Variants in CLSTN1 observed in about 807,000 individuals in gnomAD.
CLSTN1 encodes the protein calsyntenin 1.
Under a neutral mutation model 108.3 loss-of-function variants are expected in CLSTN1, and 28 were observed. The observed-to-expected ratio is 0.26, with a 90% CI of 0.19 to 0.35. CLSTN1 has a LOEUF of 0.35. Among genes scored for constraint, CLSTN1 ranks in the 10% least tolerant of loss-of-function variants. The probability of loss-of-function intolerance (pLI) is 1.00; values close to 1 mark genes in which losing one functional copy is unlikely to be tolerated. For missense variants in CLSTN1, 1,157 were observed against 1,302.6 expected, an observed-to-expected ratio of 0.89 and a Z score of 1.72; for synonymous variants, 524 against 534.9, an observed-to-expected ratio of 0.98 and a Z score of 0.28.
chr1:9,792,807 C>A (rs1489453701), intron 1 of CLSTN1, among the ~76,000 whole-genome samples: 2 of 151,204 alleles, frequency 1.3e-5, no homozygotes, highest in Non-Finnish European at 2.9e-5. Context: ...CAAGTTTCTG[C>A]TAGTGTTTCT....
intron 1 of CLSTN1, among the ~76,000 whole-genome samples, chr1:9,818,775 CTCTT>C (rs1181692949): frequency 5.0e-5 from 7 of 138,872 alleles, no homozygotes; most frequent in East Asian, 2.1e-4. Context: ...CTTCAAGCAA[CTCTT>C]TTTTTTTTTT....
At chr1:9,781,851 G>T (rs149458596) in intron 1 of CLSTN1, among the ~76,000 whole-genome samples, 1 of 152,164 alleles carries the variant, frequency 6.6e-6, no homozygotes, top group East Asian at 1.9e-4. Context: ...TCTATCAGAT[G>T]TGCACATCTG....
chr1:9,811,196 G>A (rs956399193), intron 1 of CLSTN1, among the ~76,000 whole-genome samples: 2 of 152,148 alleles, frequency 1.3e-5, no homozygotes, highest in Non-Finnish European at 2.9e-5. Context: ...TCAGCAGAAG[G>A]GAGGGGAAAG....
At position 9,734,798 on chromosome 1, in the gene CLSTN1, G is replaced by A; in HGVS notation, c.2110+150C>T. On this transcript the variant is annotated intron_variant, in intron 14 of 18. Transcript: ENST00000377298. This position sits in a 1 kb window ranked among gnomAD's most constrained non-coding sequence, Gnocchi z 4.8. ...AGATCACCATGAGCTCCAGCTCACGGGTCAGATTCCAGAAGCACACCCGAG... is the reference window on the plus strand; with the variant it reads ...AGATCACCATGAGCTCCAGCTCACGAGTCAGATTCCAGAAGCACACCCGAG... 2 of 652,866 alleles carry A rather than the reference G, an allele frequency of 3.1e-6. No homozygotes were observed. Among genetic ancestry groups the A allele is most frequent in the South Asian group, 1.9e-5 (1 of 52,290 alleles). The allele number at this position is 652,866 out of a possible 1,614,324, so 40.4% of individuals were successfully genotyped here.
At position 9,750,013 on chromosome 1, in the gene CLSTN1, T is replaced by C. The variant is rs1570450406; in HGVS notation, c.650-100A>G. ...CAAAATGCATAGGCTTTAAGCCCTG[T>C]AAATACTCAGCCAGAAATAAACATA... On this transcript the variant is annotated intron_variant, in intron 5 of 18. Transcript: ENST00000377298. 12 of 945,466 alleles carry C rather than the reference T, an allele frequency of 1.3e-5. No individual in the cohort carries two copies. The East Asian group carries it at 3.0e-4, about 23-fold the overall frequency. 58.6% of individuals were successfully genotyped at this position (945,466 alleles called of 1,614,324 possible).
At chr1:9,793,886 T>C (rs1342033900) in intron 1 of CLSTN1, among the ~76,000 whole-genome samples, 1 of 151,514 alleles carries the variant, frequency 6.6e-6, no homozygotes, top group Non-Finnish European at 1.5e-5. Context: ...TTTCTGTCCA[T>C]GCTGCTACCA....
In CLSTN1 at chr1:9,730,550, C is replaced by T; in HGVS notation, c.2904G>A (p.Arg968=). 1 of 1,607,618 alleles carries T rather than the reference C, an allele frequency of 6.2e-7. No homozygotes were observed. ...GEQGDPQNAT[R]QQQLEWDDST... ...AGTCATCCCACTCCAGCTGCTGCTG[C>T]CGGGTTGCGTTCTGGGGGTCGCCCT... Residue 968 remains arginine, a synonymous_variant, in exon 19 of 19, where the codon CGG becomes CGA. Coordinates refer to ENST00000377298, the MANE Select transcript of CLSTN1 (RefSeq NM_001009566.3). The surrounding 1 kb of genome is among the most constrained non-coding windows in gnomAD (Gnocchi z 5.6).
intron 2 of CLSTN1, among the ~76,000 whole-genome samples, chr1:9,759,327 G>A (rs1422334073): frequency 6.6e-6 from 1 of 152,104 alleles, no homozygotes; most frequent in African/African-American, 2.4e-5. Context: ...CCAGGCTGGA[G>A]TGCAGTGGCA....
At position 9,748,400 on chromosome 1, in the gene CLSTN1, A is replaced by G. The variant is rs77995207; in HGVS notation, c.985+1061T>C. ...TCCACACAATATTGTGATATAGAAA[A>G]TCTATTGAGATTCTAAGTTAGATGT... is the stretch of plus-strand genomic sequence containing the variant. On this transcript the variant is annotated intron_variant, in intron 7 of 18. Transcript: ENST00000377298. Among the ~76,000 whole-genome samples the G allele has an allele frequency of 4.4e-3, 663 of 152,304 alleles. 12 individuals are homozygous for G. The highest frequency in any genetic ancestry group is 0.043 in the East Asian group (223 of 5,190).
Position 9,743,479 on chromosome 1 carries a change from C to T in CLSTN1, c.1356+405G>A, listed in dbSNP as rs371238089. Among the ~76,000 whole-genome samples, 4 of 152,144 alleles carry T rather than the reference C, an allele frequency of 2.6e-5. No individual in the cohort carries two copies. The East Asian group carries it at 7.7e-4, about 29-fold the overall frequency. ...AGCTACTCATAAAATTATAAATATA[C>T]ACTGACTATACACAGCCATCCATGT... On this transcript the variant is annotated intron_variant, in intron 9 of 18. Coordinates refer to ENST00000377298, the MANE Select transcript of CLSTN1 (RefSeq NM_001009566.3).
chr1:9,753,877 A>G (rs1570454873), intron 4 of CLSTN1, among the ~76,000 whole-genome samples: 1 of 152,010 alleles, frequency 6.6e-6, no homozygotes, highest in African/African-American at 2.4e-5. Flanking sequence ...CAGTGGCACA[A>G]TCATGGCTCA....
chr1:9,742,129 C>T (rs1025145053), intron 9 of CLSTN1, among the ~76,000 whole-genome samples: 1 of 152,288 alleles, frequency 6.6e-6, no homozygotes, highest in South Asian at 2.1e-4. Flanking sequence ...GTAACTCAAA[C>T]AAATTGTAAA....
intron 1 of CLSTN1, among the ~76,000 whole-genome samples, chr1:9,808,367 C>T (rs1253882698): frequency 6.6e-6 from 1 of 152,164 alleles, no homozygotes; most frequent in Non-Finnish European, 1.5e-5. Flanking sequence ...AATTTACTGC[C>T]AATCTACCCA....
At chr1:9,760,587 G>A (rs1185728359) in intron 2 of CLSTN1, among the ~76,000 whole-genome samples, 1 of 151,990 alleles carries the variant, frequency 6.6e-6, no homozygotes, top group Non-Finnish European at 1.5e-5. Context: ...GGATTTTTAG[G>A]GGAATAGATG....
intron 1 of CLSTN1, among the ~76,000 whole-genome samples, chr1:9,820,664 T>A (rs1012958095): frequency 4.6e-5 from 7 of 152,144 alleles, no homozygotes; most frequent in African/African-American, 1.7e-4. Flanking sequence ...CATCCACCCA[T>A]TCATTCATTC....
At chr1:9,770,611 T>C (rs565446940) in intron 2 of CLSTN1, among the ~76,000 whole-genome samples, 1 of 152,346 alleles carries the variant, frequency 6.6e-6, no homozygotes, top group East Asian at 1.9e-4. Flanking sequence ...GTATTTATTA[T>C]CTTATGGTTA....
chr1:9,805,866 CAAAAAAA>C (rs56899514), intron 1 of CLSTN1, among the ~76,000 whole-genome samples: 1 of 74,868 alleles, frequency 1.3e-5, no homozygotes, highest in African/African-American at 4.3e-5. Flanking sequence ...GACTCTGTCT[CAAAAAAA>C]AAAAAAAAAA....
At chr1:9,742,408 T>C (rs1223555138) in intron 9 of CLSTN1, among the ~76,000 whole-genome samples, 1 of 152,022 alleles carries the variant, frequency 6.6e-6, no homozygotes, top group Admixed American at 6.6e-5. Context: ...TGACCAAGAG[T>C]TGGCAACTGT....
chr1:9,820,065 G>T (rs1386434513), intron 1 of CLSTN1, among the ~76,000 whole-genome samples: 1 of 149,206 alleles, frequency 6.7e-6, no homozygotes, highest in Non-Finnish European at 1.5e-5. Context: ...GTAGTGACAA[G>T]GTTTCACCAT....
Sources: gnomAD v4.1 joint callset for allele counts (sites outside exome capture counted in the v4.1 genomes callset) on GRCh38, gnomAD v4.1.1 for gene constraint, Gnocchi (gnomAD v3.1) non-coding constraint, MANE v1.5 for transcripts, NCBI Gene and HGNC (gene_info 2026-07-23, HGNC 2026-07-21) for gene names.